ADAM2: variants seen among roughly 807,000 people sequenced by gnomAD.
ADAM2 encodes the protein ADAM metallopeptidase domain 2.
A neutral mutation model predicts 99.3 loss-of-function variants in ADAM2; 101 were observed. That is an observed-to-expected ratio of 1.02 (90% CI 0.87 to 1.20). ADAM2 has a LOEUF of 1.20. ADAM2 is among the 50% of genes most tolerant of loss of function. The probability of loss-of-function intolerance (pLI) is 0.00; values close to 1 mark genes in which losing one functional copy is unlikely to be tolerated. For synonymous variants in ADAM2, 323 were observed against 287.6 expected (o/e 1.12, Z -1.25); for missense variants, 948 against 878.7 (o/e 1.08, Z -1.00).
chr8:39,829,883 T>A (rs528003762), intron 3 of ADAM2, among the ~76,000 whole-genome samples: 61 of 152,170 alleles, frequency 4.0e-4, no homozygotes, highest in African/African-American at 1.2e-3. Flanking sequence ...AAAATCATCA[T>A]AATTCATTTA....
intron 10 of ADAM2, among the ~76,000 whole-genome samples, chr8:39,779,306 T>C (rs932520257): frequency 6.6e-6 from 1 of 152,148 alleles, no homozygotes; most frequent in East Asian, 1.9e-4. Flanking sequence ...GCCTTTCCTC[T>C]ATGTGCGCAT....
chr8:39,834,881 T>C (rs996763489), intron 2 of ADAM2, among the ~76,000 whole-genome samples: 4 of 152,136 alleles, frequency 2.6e-5, no homozygotes, highest in African/African-American at 4.8e-5. Flanking sequence ...AGAAAGGATG[T>C]TAGACTTTGT....
chr8:39,802,218 G>A (rs967566112), intron 7 of ADAM2, among the ~76,000 whole-genome samples: 1 of 152,072 alleles, frequency 6.6e-6, no homozygotes, highest in Admixed American at 6.5e-5. Context: ...CCCTTGGCTG[G>A]GGGGAGGGGA....
intron 5 of ADAM2, 100 bp downstream of exon 5, chr8:39,821,486 C>G: frequency 1.1e-6 from 1 of 914,984 alleles, no homozygotes. Flanking sequence ...CCACAATAGT[C>G]ATGCCACACT....
At chr8:39,770,849 T>C (rs886288564) in intron 11 of ADAM2, among the ~76,000 whole-genome samples, 1 of 152,188 alleles carries the variant, frequency 6.6e-6, no homozygotes, top group Non-Finnish European at 1.5e-5. Context: ...CTACTTTCTA[T>C]ATATTCAATA....
At chr8:39,835,195 C>A (rs1475299991) in intron 2 of ADAM2, among the ~76,000 whole-genome samples, 1 of 152,118 alleles carries the variant, frequency 6.6e-6, no homozygotes, top group Non-Finnish European at 1.5e-5. Context: ...ACTATTACCT[C>A]TTCTTCTTTT....
At chr8:39,834,335 C>T (rs56044214) in intron 2 of ADAM2, among the ~76,000 whole-genome samples, 2 of 152,012 alleles carry the variant, frequency 1.3e-5, no homozygotes, top group African/African-American at 4.8e-5. Flanking sequence ...ATGTCATGTG[C>T]TAATAAAGAT....
chr8:39,824,969 A>G (rs1205939148), intron 3 of ADAM2, 72 bp from the exon 4 acceptor site: 8 of 704,280 alleles, frequency 1.1e-5, no homozygotes, highest in African/African-American at 3.6e-5. Flanking sequence ...TTTATTAATT[A>G]TAGACAGGTA....
chr8:39,787,252 T>C (rs910517346), intron 9 of ADAM2, among the ~76,000 whole-genome samples, 197 bp from the exon 10 acceptor site: 5 of 151,732 alleles, frequency 3.3e-5, no homozygotes, highest in Non-Finnish European at 5.9e-5. Flanking sequence ...GTATTTTATA[T>C]GGATTTCTGT....
chr8:39,773,860 C>A (rs1363513750), intron 11 of ADAM2, among the ~76,000 whole-genome samples: 1 of 151,678 alleles, frequency 6.6e-6, no homozygotes, highest in South Asian at 2.1e-4. Flanking sequence ...ATACTAAAAC[C>A]AGTCAAAGGA....
At chr8:39,812,814 C>G (rs994150438) in intron 6 of ADAM2, among the ~76,000 whole-genome samples, 4 of 152,010 alleles carry the variant, frequency 2.6e-5, no homozygotes, top group African/African-American at 7.2e-5. Flanking sequence ...ACCATGAAAA[C>G]CCTAGAAGAA....
Position 39,777,007 on chromosome 8 carries a change from A to G in ADAM2, c.1028+18T>C, listed in dbSNP as rs1402655575. The G allele has an allele frequency of 6.8e-7, 1 of 1,473,596 alleles. No individual in the cohort carries two copies. The highest frequency in any genetic ancestry group is 9.4e-7 in the Non-Finnish European group (1 of 1,058,914). 91.3% of individuals were successfully genotyped at this position (1,473,596 alleles called of 1,614,324 possible). The stretch of plus-strand genomic sequence containing the variant: ...ACATTAAACTATATATGTAAAGTAT[A>G]AAAGTCAGAAATCTTACATTGCTTC... On this transcript the variant is annotated intron_variant, in intron 11 of 20. Coordinates refer to ENST00000265708, the MANE Select transcript of ADAM2 (RefSeq NM_001464.5).
intron 3 of ADAM2, among the ~76,000 whole-genome samples, chr8:39,828,215 T>C (rs1278442348): frequency 6.6e-6 from 1 of 151,744 alleles, no homozygotes; most frequent in Non-Finnish European, 1.5e-5. Context: ...AATACTGACT[T>C]TATAAAAAAT....
At position 39,808,638 on chromosome 8, in the gene ADAM2, C is replaced by A. The variant is rs541804668; in HGVS notation, c.570+772G>T. Among the ~76,000 whole-genome samples, 7 of 152,260 alleles carry A rather than the reference C, an allele frequency of 4.6e-5. No homozygotes were observed. In the East Asian group the frequency reaches 5.8e-4, roughly 13 times the overall value. On this transcript the variant is annotated intron_variant, in intron 7 of 20. Transcript: ENST00000265708. The stretch of plus-strand genomic sequence containing the variant: ...TTTTAAAACATAAGGAAAAAGTTGG[C>A]CAGGCACAGTGGCTCACGCATGTGG...
At chr8:39,825,482 CAA>C (rs1805361146) in intron 3 of ADAM2, among the ~76,000 whole-genome samples, 1 of 151,674 alleles carries the variant, frequency 6.6e-6, no homozygotes, top group Admixed American at 6.6e-5. Context: ...TATTGTTTGC[CAA>C]AGTTACATAA....
At chr8:39,820,714 A>G (rs1805139165) in intron 6 of ADAM2, among the ~76,000 whole-genome samples, 1 of 152,168 alleles carries the variant, frequency 6.6e-6, no homozygotes, top group Non-Finnish European at 1.5e-5. Context: ...GAATTTTAAC[A>G]TAATGGCTAT....
intron 10 of ADAM2, among the ~76,000 whole-genome samples, chr8:39,782,526 G>C (rs1803273132): frequency 6.6e-6 from 1 of 152,100 alleles, no homozygotes. Context: ...TGTTTTGTTT[G>C]TTTTGGAGAA....
In ADAM2 at chr8:39,755,725, T is replaced by TA; in HGVS notation, c.1797+2dup. The TA allele has an allele frequency of 1.2e-6, 2 of 1,607,322 alleles. No individual in the cohort carries two copies. The highest frequency in any genetic ancestry group is 1.7e-6 in the Non-Finnish European group (2 of 1,176,342). ...AATTATTTGGGAATAAAAGACTACC[T>TA]ACCTTATTTGAACCACAAGAAGTTC... On this transcript the variant is annotated splice_region_variant and intron_variant, in intron 16 of 20. Transcript: ENST00000265708.
intron 10 of ADAM2, among the ~76,000 whole-genome samples, chr8:39,785,571 G>A (rs1418943056): frequency 1.3e-5 from 2 of 152,108 alleles, no homozygotes; most frequent in African/African-American, 4.8e-5. Context: ...CAAGGCGGGG[G>A]GATCACATGA....
Sources: gnomAD v4.1 joint callset for allele counts (sites outside exome capture counted in the v4.1 genomes callset) on GRCh38, gnomAD v4.1.1 for gene constraint, MANE v1.5 for transcripts, NCBI Gene and HGNC (gene_info 2026-07-23, HGNC 2026-07-21) for gene names.